Variants in PPP2R2B observed in about 807,000 individuals in gnomAD.
PPP2R2B encodes protein phosphatase 2 regulatory subunit Bbeta, also known as serine/threonine-protein phosphatase 2A 55 kDa regulatory subunit B beta isoform.
A neutral mutation model predicts 46.0 loss-of-function variants in PPP2R2B; 5 were observed. That is an observed-to-expected ratio of 0.11 (90% CI 0.06 to 0.23). PPP2R2B has a LOEUF of 0.23. PPP2R2B is among the 10% of genes least tolerant of loss of function. The pLI, the probability that PPP2R2B is intolerant of heterozygous loss-of-function variation, is 1.00. For synonymous variants in PPP2R2B, 215 were observed against 206.7 expected, an observed-to-expected ratio of 1.04 and a Z score of -0.34; for missense variants, 367 against 575.0, an observed-to-expected ratio of 0.64 and a Z score of 3.70.
Position 146,946,456 on chromosome 5 carries a change from G to A in PPP2R2B, c.79+109209C>T, listed in dbSNP as rs182885994. 7.7e-4 allele frequency among the ~76,000 whole-genome samples: 117 copies of A among 152,198 alleles called. 1 individual carries two copies. The highest frequency in any genetic ancestry group is 2.6e-3 in the African/African-American group (107 of 41,542). Reference sequence around the variant, plus strand: ...GCAAGTTTCATTTTCAAAAGGCAGTGCAATCAATAGTGTTACTTTTCTGAG... The same window carrying A: ...GCAAGTTTCATTTTCAAAAGGCAGTACAATCAATAGTGTTACTTTTCTGAG... On this transcript the variant is annotated intron_variant, in intron 1 of 8. Transcript: ENST00000336640.
At chr5:146,595,386 G>T (rs1473926850) in intron 8 of PPP2R2B, among the ~76,000 whole-genome samples, 2 of 152,152 alleles carry the variant, frequency 1.3e-5, no homozygotes, top group African/African-American at 4.8e-5. Flanking sequence ...TTCCTCATCT[G>T]TCACCATTCA....
chr5:146,916,826 T>G (rs897857092), intron 1 of PPP2R2B, among the ~76,000 whole-genome samples: 5 of 152,202 alleles, frequency 3.3e-5, no homozygotes, highest in African/African-American at 1.2e-4. Context: ...TTTAGAAAAT[T>G]AAATTGAACC....
chr5:146,963,369 T>C (rs762423648), intron 1 of PPP2R2B, among the ~76,000 whole-genome samples: 2 of 152,008 alleles, frequency 1.3e-5, no homozygotes, highest in Non-Finnish European at 2.9e-5. Context: ...CACCACGGAG[T>C]AGGGATCTGG....
At chr5:146,701,576 G>A (rs774146497) in intron 2 of PPP2R2B, among the ~76,000 whole-genome samples, 1 of 152,156 alleles carries the variant, frequency 6.6e-6, no homozygotes, top group Non-Finnish European at 1.5e-5. Context: ...AGCAGGGTTA[G>A]GATGCTTGAA....
In PPP2R2B at chr5:146,986,427, A is replaced by T. The variant is rs1193999637; in HGVS notation, c.79+69238T>A. Among the ~76,000 whole-genome samples the T allele has an allele frequency of 6.6e-5, 10 of 152,334 alleles. No homozygotes were observed. In the East Asian group the frequency reaches 1.9e-3, roughly 29 times the overall value. On this transcript the variant is annotated intron_variant, in intron 1 of 8. Coordinates refer to the PPP2R2B transcript ENST00000336640. ...AAACACTTCACCATTGGCTGACTCA[A>T]GTGTCCTCAGGTCCTGAATAAATTG...
chr5:146,965,995 C>T (rs1277316351), intron 1 of PPP2R2B, among the ~76,000 whole-genome samples: 2 of 152,126 alleles, frequency 1.3e-5, no homozygotes, highest in Non-Finnish European at 2.9e-5. Flanking sequence ...TGTACATTCC[C>T]CAGGCATACA....
At chr5:147,047,463 C>G (rs1756596785) in intron 1 of PPP2R2B, among the ~76,000 whole-genome samples, 1 of 152,034 alleles carries the variant, frequency 6.6e-6, no homozygotes, top group Admixed American at 6.6e-5. Context: ...CTCCACCCCC[C>G]AAAATGTACA....
intron 1 of PPP2R2B, among the ~76,000 whole-genome samples, chr5:147,045,654 A>T (rs555081470): frequency 1.6e-4 from 24 of 152,232 alleles, no homozygotes; most frequent in Non-Finnish European, 3.5e-4. Context: ...ATATATATAT[A>T]TTTTTAAATG....
At chr5:146,958,778 G>A (rs1176545666) in intron 1 of PPP2R2B, among the ~76,000 whole-genome samples, 1 of 152,182 alleles carries the variant, frequency 6.6e-6, no homozygotes, top group Non-Finnish European at 1.5e-5. Flanking sequence ...CAGATCATGA[G>A]CTATATCATT....
chr5:147,056,086 C>A (rs959917706), upstream of PPP2R2B: 10 of 1,083,438 alleles, frequency 9.2e-6, no homozygotes, highest in African/African-American at 6.4e-5. Flanking sequence ...AAACCTCTAC[C>A]TTTTCCCGTG....
intron 5 of PPP2R2B, among the ~76,000 whole-genome samples, chr5:146,681,299 A>G (rs978810493): frequency 2.0e-5 from 3 of 152,206 alleles, no homozygotes; most frequent in Non-Finnish European, 4.4e-5. Flanking sequence ...AGTCTAGTTG[A>G]AAAATAAATA....
chr5:147,074,784 T>G (rs1024268260), intron 2 of PPP2R2B, among the ~76,000 whole-genome samples: 1 of 152,190 alleles, frequency 6.6e-6, no homozygotes, highest in Non-Finnish European at 1.5e-5. Flanking sequence ...GAAATACACC[T>G]CACATCGACA....
At chr5:147,041,373 C>T (rs138586742) in intron 1 of PPP2R2B, among the ~76,000 whole-genome samples, 1 of 152,262 alleles carries the variant, frequency 6.6e-6, no homozygotes, top group East Asian at 1.9e-4. Flanking sequence ...ACCTGTAAGA[C>T]CCTTCCTTCA....
intron 1 of PPP2R2B, among the ~76,000 whole-genome samples, chr5:146,978,945 A>G (rs766315334): frequency 7.9e-5 from 12 of 152,198 alleles, no homozygotes; most frequent in Non-Finnish European, 1.2e-4. Flanking sequence ...AGCAGACAGG[A>G]AAAATCTTAT....
At chr5:146,996,227 G>A (rs1353038935) in intron 1 of PPP2R2B, among the ~76,000 whole-genome samples, 2 of 152,132 alleles carry the variant, frequency 1.3e-5, no homozygotes, top group East Asian at 1.9e-4. Flanking sequence ...TTTCTAGTTG[G>A]CAGACGGGGA....
intron 2 of PPP2R2B, among the ~76,000 whole-genome samples, chr5:146,848,139 GTT>G (rs137984593): frequency 8.6e-6 from 1 of 116,888 alleles, no homozygotes; most frequent in African/African-American, 2.9e-5. Context: ...TTATTCTTTA[GTT>G]TTTTTTATCT....
intron 2 of PPP2R2B, among the ~76,000 whole-genome samples, chr5:146,801,886 A>C (rs758594731): frequency 6.6e-6 from 1 of 152,230 alleles, no homozygotes; most frequent in African/African-American, 2.4e-5. Context: ...CCCAAATTCG[A>C]AGATGAGTTA....
At chr5:147,075,160 A>G (rs544786731) in intron 2 of PPP2R2B, among the ~76,000 whole-genome samples, 1 of 152,332 alleles carries the variant, frequency 6.6e-6, no homozygotes, top group African/African-American at 2.4e-5. Flanking sequence ...TTTTTACCAT[A>G]TAAAGTACTT....
chr5:146,697,908 G>A, intron 4 of PPP2R2B, 71 bp downstream of exon 4: 6 of 1,445,426 alleles, frequency 4.2e-6, no homozygotes, highest in Non-Finnish European at 5.6e-6. Context: ...GGAAATTGAG[G>A]TTAAGAGAGA....
Sources: allele counts gnomAD v4.1 joint callset (sites outside exome capture counted in the v4.1 genomes callset), GRCh38; gene constraint gnomAD v4.1.1; transcripts MANE v1.5; gene names NCBI Gene and HGNC (gene_info 2026-07-23, HGNC 2026-07-21).